DPP4: variants seen among roughly 807,000 people sequenced by gnomAD.
DPP4 encodes the protein ADCP-2.
A neutral mutation model predicts 122.4 loss-of-function variants in DPP4; 93 were observed. That is an observed-to-expected ratio of 0.76 (90% confidence interval 0.64 to 0.90). The LOEUF (loss-of-function observed/expected upper bound fraction) is 0.90. Among genes scored for constraint, DPP4 ranks in the 40% least tolerant of loss-of-function variants. DPP4 has a pLI of 0.00. For synonymous variants in DPP4, 321 were observed against 302.9 expected, an observed-to-expected ratio of 1.06 and a Z score of -0.62; for missense variants, 914 against 907.3, an observed-to-expected ratio of 1.01 and a Z score of -0.09.
chr2:162,017,244 C>T lies in DPP4; in HGVS notation c.1421-89G>A, dbSNP rs1350422376. ...GACTTTTCAAAAATACCATTTGTTA[C>T]CATTTAACTTTGATAGAATATATAA... On this transcript the variant is annotated intron_variant, in intron 16 of 25. Coordinates refer to ENST00000360534, the MANE Select transcript of DPP4 (RefSeq NM_001935.4). 1.7e-5 allele frequency: 19 copies of T among 1,088,744 alleles called. No individual in the cohort carries two copies. The East Asian group carries it at 4.6e-4, about 26-fold the overall frequency. 67.4% of individuals were successfully genotyped at this position (1,088,744 alleles called of 1,614,324 possible).
chr2:161,997,936 G>A (rs115238705), intron 23 of DPP4, among the ~76,000 whole-genome samples: 269 of 152,256 alleles, frequency 1.8e-3, no homozygotes, highest in African/African-American at 6.2e-3. Flanking sequence ...AAAATTCCAA[G>A]CTGCTTATGA....
rs1701299143 is a variant in DPP4, at chr2:162,007,014, A to T, written c.1988-1205T>A. ...CACTAATGAGTGTTAGTTGCTCCAT[A>T]TGCATACTTTATGCCATTTCTATGA... On this transcript the variant is annotated intron_variant, in intron 22 of 25. Coordinates refer to ENST00000360534, the MANE Select transcript of DPP4 (RefSeq NM_001935.4). Among the ~76,000 whole-genome samples the T allele has an allele frequency of 2.6e-5, 4 of 152,234 alleles. No individual in the cohort carries two copies. The South Asian group carries it at 8.3e-4, about 32-fold the overall frequency.
chr2:162,008,624 G>A lies in DPP4; in HGVS notation c.1925C>T (p.Ser642Leu), dbSNP rs200839327. Reference sequence around the variant, plus strand: ...TCCACACTTGAACACGCCACTTCCCGATCCCAGGACCATTGAGGTTACGTA... The same window carrying A: ...TCCACACTTGAACACGCCACTTCCCAATCCCAGGACCATTGAGGTTACGTA... Reference protein sequence around the residue: ...GGYVTSMVLGSGSGVFKCGIA... With the variant: ...GGYVTSMVLGLGSGVFKCGIA... Residue 642 changes from serine (S) to leucine (L), a missense_variant, in exon 22 of 26, where the codon TCG becomes TTG. Coordinates refer to ENST00000360534, the MANE Select transcript of DPP4 (RefSeq NM_001935.4). 44 of 1,613,386 alleles carry A rather than the reference G, an allele frequency of 2.7e-5. No homozygotes were observed. The highest frequency in any genetic ancestry group is 4.0e-5 in the African/African-American group (3 of 74,790).
At chr2:162,032,622 T>TG (rs1451134921) in intron 10 of DPP4, among the ~76,000 whole-genome samples, 5 of 151,906 alleles carry the variant, frequency 3.3e-5, no homozygotes, top group Admixed American at 2.6e-4. Context: ...GAGGTTGCAG[T>TG]GAGCCGAGAT....
chr2:162,011,382 G>A (rs1027079460), intron 20 of DPP4, among the ~76,000 whole-genome samples: 14 of 152,236 alleles, frequency 9.2e-5, no homozygotes, highest in African/African-American at 2.6e-4. Context: ...TGCCTATGAC[G>A]TAAATGTACA....
Position 162,074,083 on chromosome 2 carries a change from G to A in DPP4, c.-102C>T. On this transcript the variant is annotated 5_prime_UTR_variant, in exon 1 of 26. Coordinates refer to ENST00000360534, the MANE Select transcript of DPP4 (RefSeq NM_001935.4). Reference sequence around the variant, plus strand: ...TCCTGCACCGCTGCTCCGGGCGGTGGAGTCACTCGCCGCTGGCAAGTTTCG... The same window carrying A: ...TCCTGCACCGCTGCTCCGGGCGGTGAAGTCACTCGCCGCTGGCAAGTTTCG... 1 of 1,506,626 alleles carries A rather than the reference G, an allele frequency of 6.6e-7. No homozygotes were observed. The highest frequency in any genetic ancestry group is 8.9e-7 in the Non-Finnish European group (1 of 1,128,072). The allele number at this position is 1,506,626 out of a possible 1,614,324, so 93.3% of individuals were successfully genotyped here.
intron 2 of DPP4, among the ~76,000 whole-genome samples, chr2:162,058,825 C>T (rs1684663975): frequency 6.6e-6 from 1 of 152,142 alleles, no homozygotes; most frequent in African/African-American, 2.4e-5. Flanking sequence ...CCTTTTAAAA[C>T]ATCAGGTGGC....
intron 2 of DPP4, among the ~76,000 whole-genome samples, chr2:162,071,943 T>C (rs1685131690): frequency 6.6e-6 from 1 of 152,216 alleles, no homozygotes; most frequent in African/African-American, 2.4e-5. Context: ...ACAGTTTTAC[T>C]CAAACTTCCA....
intron 14 of DPP4, 112 bp downstream of exon 14, chr2:162,020,117 C>T: frequency 2.3e-6 from 2 of 880,146 alleles, no homozygotes; most frequent in Non-Finnish European, 3.6e-6. Flanking sequence ...GTATTGAACA[C>T]ATTCCAAAAA....
chr2:162,031,086 G>T lies in DPP4; in HGVS notation c.887+2455C>A, dbSNP rs187294293. ...GAGCACAGTCCCAGCCCATGAGAAG[G>T]ACTCAATACATTTTTAACTAACTTA... On this transcript the variant is annotated intron_variant, in intron 10 of 25. Coordinates refer to ENST00000360534, the MANE Select transcript of DPP4 (RefSeq NM_001935.4). Among the ~76,000 whole-genome samples, 4 of 152,348 alleles carry T rather than the reference G, an allele frequency of 2.6e-5. No individual in the cohort carries two copies. The East Asian group carries it at 7.7e-4, about 29-fold the overall frequency.
chr2:162,064,369 T>C (rs565375336), intron 2 of DPP4, among the ~76,000 whole-genome samples: 1 of 152,344 alleles, frequency 6.6e-6, no homozygotes, highest in East Asian at 1.9e-4. Flanking sequence ...CTGGAAATTT[T>C]AAAACAAAGA....
Position 162,025,384 on chromosome 2 carries a change from G to A in DPP4, c.888-445C>T, listed in dbSNP as rs147811231. 8.8e-4 allele frequency among the ~76,000 whole-genome samples: 134 copies of A among 152,192 alleles called. 1 individual carries two copies. In the East Asian group the frequency reaches 0.021, roughly 24 times the overall value. ...TCTCCAGAAAATTCTTTCTATTAGG[G>A]TGAAACTACAGCTAACCCTTTTCTC... On this transcript the variant is annotated intron_variant, in intron 10 of 25. Coordinates refer to ENST00000360534, the MANE Select transcript of DPP4 (RefSeq NM_001935.4).
At chr2:161,993,605 T>A (rs148820815) in intron 25 of DPP4, among the ~76,000 whole-genome samples, 5 of 152,316 alleles carry the variant, frequency 3.3e-5, no homozygotes, top group African/African-American at 1.2e-4. Context: ...AAGTCTCTGA[T>A]CCTCTTTTGC....
intron 2 of DPP4, among the ~76,000 whole-genome samples, chr2:162,063,399 T>C (rs1684848670): frequency 6.6e-6 from 1 of 151,974 alleles, no homozygotes; most frequent in Non-Finnish European, 1.5e-5. Flanking sequence ...TTTGAGGCCA[T>C]GGGAGTGGAT....
chr2:162,020,700 T>C lies in DPP4; in HGVS notation c.1069-12A>G. The C allele has an allele frequency of 4.4e-6, 7 of 1,587,672 alleles. No individual in the cohort carries two copies. Among genetic ancestry groups the C allele is most frequent in the Non-Finnish European group, 6.0e-6 (7 of 1,162,944 alleles). On this transcript the variant is annotated splice_polypyrimidine_tract_variant and intron_variant, in intron 12 of 25. Transcript: ENST00000360534. Reference sequence around the variant, plus strand: ...TCTGAAGGCCTAAACTAGAAAATAATAGAGAACAAAAGAACATTAAAGCAC... The same window carrying C: ...TCTGAAGGCCTAAACTAGAAAATAACAGAGAACAAAAGAACATTAAAGCAC...
intron 2 of DPP4, among the ~76,000 whole-genome samples, chr2:162,061,297 T>C (rs1684763162): frequency 6.6e-6 from 1 of 152,182 alleles, no homozygotes; most frequent in Non-Finnish European, 1.5e-5. Context: ...TACCTGATCC[T>C]GCTGCATCCC....
Position 162,009,254 on chromosome 2 carries a change from G to A in DPP4, c.1874C>T (p.Ala625Val). 1 of 1,613,720 alleles carries A rather than the reference G, an allele frequency of 6.2e-7. No homozygotes were observed. Among genetic ancestry groups the A allele is most frequent in the South Asian group, 1.1e-5 (1 of 91,084 alleles). ...TCAACTACTCACCCAGCCCCAAATT[G>A]CAATTCGTTTGTTGTCCACAAATCC... is the stretch of plus-strand genomic sequence containing the variant. ...KMGFVDNKRIAIWGWSYGGYV... is the reference protein window; with the variant it reads ...KMGFVDNKRIVIWGWSYGGYV... Residue 625 changes from alanine (A) to valine (V), a missense_variant, in exon 21 of 26, where the codon GCA becomes GTA. Physicochemically the swap from Ala to Val is moderately conservative, Grantham distance 64 (BLOSUM62 0). Coordinates refer to ENST00000360534, the MANE Select transcript of DPP4 (RefSeq NM_001935.4).
At chr2:162,020,183 A>T (rs919433213) in intron 14 of DPP4, 46 bp downstream of exon 14, 5 of 1,528,410 alleles carry the variant, frequency 3.3e-6, no homozygotes, top group Non-Finnish European at 4.5e-6. Flanking sequence ...AGAGGGCATG[A>T]TTATGACAAG....
At chr2:162,046,716 G>A in intron 4 of DPP4, 199 bp downstream of exon 4, 1 of 636,840 alleles carries the variant, frequency 1.6e-6, no homozygotes, top group East Asian at 3.1e-5. Context: ...AAAAATATGG[G>A]CAGAGGAAGA....
Sources: allele counts gnomAD v4.1 joint callset (sites outside exome capture counted in the v4.1 genomes callset), GRCh38; gene constraint gnomAD v4.1.1; transcripts MANE v1.5; gene names NCBI Gene and HGNC (gene_info 2026-07-23, HGNC 2026-07-21).